LRRC37A3: variants seen among roughly 807,000 people sequenced by gnomAD.
LRRC37A3 encodes the protein leucine-rich repeat-containing protein 37A3.
LRRC37A3 carries 25 observed loss-of-function variants against 106.2 expected under a neutral mutation model. The observed-to-expected ratio is 0.24, with a 90% confidence interval of 0.17 to 0.33. LRRC37A3 has a LOEUF of 0.33. Among genes scored for constraint, LRRC37A3 ranks in the 10% least tolerant of loss-of-function variants. The pLI, the probability that LRRC37A3 is intolerant of heterozygous loss-of-function variation, is 1.00. For synonymous variants in LRRC37A3, 305 were observed against 635.8 expected (o/e 0.48, Z 7.83); for missense variants, 712 against 1,644.9 (o/e 0.43, Z 9.81).
Position 64,913,495 on chromosome 17 carries a change from CA to C in LRRC37A3, c.-496+5254del, listed in dbSNP as rs1333031133. On this transcript the variant is annotated intron_variant, in intron 2 of 14. Transcript: ENST00000584306. ...AGCTGGGACTACAGACGTGTGCCAC[CA>C]CACTAGGCTATTTTTCTCTTTTTAG... is the stretch of plus-strand genomic sequence containing the variant. Among the ~76,000 whole-genome samples, 7 of 151,998 alleles carry C rather than the reference CA, an allele frequency of 4.6e-5. No homozygotes were observed. In the East Asian group the frequency reaches 1.4e-3, roughly 29 times the overall value.
intron 10 of LRRC37A3, among the ~76,000 whole-genome samples, chr17:64,867,066 T>A (rs1030173018): frequency 5.9e-5 from 9 of 152,134 alleles, no homozygotes; most frequent in African/African-American, 2.2e-4. Context: ...ATCTTTTAGA[T>A]GCTGGATTAG....
At chr17:64,874,202 A>G (rs1221479870) in intron 8 of LRRC37A3, among the ~76,000 whole-genome samples, 3 of 152,268 alleles carry the variant, frequency 2.0e-5, no homozygotes, top group Non-Finnish European at 4.4e-5. Flanking sequence ...GTTGGATACC[A>G]GCACTGGCAA....
At chr17:64,876,851 G>T (rs964975478) in intron 8 of LRRC37A3, 8 of 151,834 alleles carry the variant, frequency 5.3e-5, no homozygotes. Flanking sequence ...TACAGATGAG[G>T]AAAGAACATT....
intron 10 of LRRC37A3, among the ~76,000 whole-genome samples, chr17:64,868,183 G>A (rs1220992493): frequency 6.6e-6 from 1 of 152,200 alleles, no homozygotes; most frequent in Non-Finnish European, 1.5e-5. Context: ...TATAGGAACA[G>A]AAATCAGATT....
intron 10 of LRRC37A3, among the ~76,000 whole-genome samples, chr17:64,866,604 ATATATATATATATATATATATATATTT>A (rs1973090736): frequency 1.1e-4 from 2 of 17,454 alleles, no homozygotes; most frequent in Non-Finnish European, 1.9e-4. Context: ...ATATATATAT[ATATATATATATATATATATATATATTT>A]TTTTTTTTTT....
Position 64,860,365 on chromosome 17 carries a change from G to T in LRRC37A3, c.3781C>A (p.Pro1261Thr). 1 of 1,613,920 alleles carries T rather than the reference G, an allele frequency of 6.2e-7. No homozygotes were observed. The highest frequency in any genetic ancestry group is 8.5e-7 in the Non-Finnish European group (1 of 1,179,868). The change falls in exon 12 of 15, where the codon CCT (proline) becomes ACT (threonine). Residue 1261 changes from proline to threonine, a missense_variant. Transcript: ENST00000584306. ...FSKGAPSTSS[P>T]AKALPQVRDR... ...CTCACCTGTGGTAGGGCTTTTGCAG[G>T]GCTGGAGGTAGAAGGCGCGCCCTTG... is the stretch of plus-strand genomic sequence containing the variant.
At chr17:64,866,612 ATATATATATATATATATTTTTT>A (rs1973098640) in intron 10 of LRRC37A3, among the ~76,000 whole-genome samples, 4 of 21,360 alleles carry the variant, frequency 1.9e-4, no homozygotes, top group African/African-American at 1.1e-3. Flanking sequence ...ATATATATAT[ATATATATATATATATATTTTTT>A]TTTTTTTTTT....
intron 2 of LRRC37A3, among the ~76,000 whole-genome samples, chr17:64,914,340 C>T (rs1168111901): frequency 2.0e-5 from 3 of 152,210 alleles, no homozygotes; most frequent in Non-Finnish European, 4.4e-5. Flanking sequence ...AGATGAATCA[C>T]CCGAGGTCAG....
chr17:64,864,370 A>G (rs1421379057), intron 10 of LRRC37A3, among the ~76,000 whole-genome samples: 2 of 152,218 alleles, frequency 1.3e-5, no homozygotes, highest in Non-Finnish European at 2.9e-5. Context: ...AAGAAAGTAG[A>G]GGCATGTTTT....
At chr17:64,855,457 C>T (rs1253698335) in intron 14 of LRRC37A3, among the ~76,000 whole-genome samples, 4 of 150,174 alleles carry the variant, frequency 2.7e-5, no homozygotes, top group African/African-American at 1.0e-4. Flanking sequence ...TCCCCACCTC[C>T]CGAAAGGGCT....
In LRRC37A3 at chr17:64,854,551, T is replaced by C; in HGVS notation, c.*48A>G. ...TCCTGCTTTTTTGATGGCCGTTGTT[T>C]ACGCTATGTATTTTTGCAGGAGGCC... On this transcript the variant is annotated 3_prime_UTR_variant, in exon 15 of 15. Coordinates refer to ENST00000584306, the MANE Select transcript of LRRC37A3 (RefSeq NM_199340.5). 3 of 1,613,726 alleles carry C rather than the reference T, an allele frequency of 1.9e-6. No homozygotes were observed. In the South Asian group the frequency reaches 3.3e-5, roughly 18 times the overall value.
intron 13 of LRRC37A3, 86 bp downstream of exon 13, chr17:64,858,693 G>A: frequency 2.0e-6 from 2 of 1,015,380 alleles, no homozygotes; most frequent in Non-Finnish European, 3.1e-6. Context: ...AGGTGGGAAA[G>A]TGGCTTTGGT....
Position 64,872,563 on chromosome 17 carries a change from C to T in LRRC37A3, c.2907-3397G>A, listed in dbSNP as rs1598405760. The stretch of plus-strand genomic sequence containing the variant: ...AAAGCTGTCTAGTGCTAAAGCCTCT[C>T]CACAGAGGGTGTTTTTGGAAAACAA... On this transcript the variant is annotated intron_variant, in intron 8 of 14. Transcript: ENST00000584306. 3.9e-5 allele frequency among the ~76,000 whole-genome samples: 6 copies of T among 152,294 alleles called. No individual in the cohort carries two copies. In the South Asian group the frequency reaches 8.3e-4, roughly 21 times the overall value.
chr17:64,854,695 A>G (rs375016111), intron 14 of LRRC37A3, 51 bp from the exon 15 acceptor site: 2 of 1,612,202 alleles, frequency 1.2e-6, no homozygotes, highest in Non-Finnish European at 8.5e-7. Flanking sequence ...AGGAGCAATT[A>G]AGCTTCTCAC....
chr17:64,859,546 C>G lies in LRRC37A3; in HGVS notation c.4600G>C (p.Val1534Leu), dbSNP rs1370277642. Residue 1534 changes from valine to leucine, a missense_variant, in exon 12 of 15, where the codon GTA becomes CTA. Val to Leu is a conservative substitution (Grantham distance 32, BLOSUM62 1). Coordinates refer to ENST00000584306, the MANE Select transcript of LRRC37A3 (RefSeq NM_199340.5). ...LMKLLSGQQE[V>L]KASKIEWDTD... ...TCCCATTCTATCTTGGATGCCTTTA[C>G]TTCCTGCTGCCCACTGAGAAGCTTC... The G allele has an allele frequency of 6.2e-7, 1 of 1,611,872 alleles. No homozygotes were observed. The highest frequency in any genetic ancestry group is 1.4e-5 in the African/African-American group (1 of 74,052).
chr17:64,877,358 C>T (rs1479336981), intron 8 of LRRC37A3, among the ~76,000 whole-genome samples: 11 of 152,108 alleles, frequency 7.2e-5, no homozygotes, highest in East Asian at 1.9e-4. Context: ...CCTGCCACCA[C>T]GCCCTGCTAA....
intron 2 of LRRC37A3, among the ~76,000 whole-genome samples, chr17:64,917,714 C>A (rs979218639): frequency 1.1e-4 from 16 of 152,172 alleles, no homozygotes; most frequent in African/African-American, 3.4e-4. Context: ...CACCTGTAAT[C>A]CCGGCACTAT....
chr17:64,867,410 A>T lies in LRRC37A3; in HGVS notation c.3053+1052T>A, dbSNP rs1245455159. Among the ~76,000 whole-genome samples the T allele has an allele frequency of 4.0e-5, 6 of 151,800 alleles. No individual in the cohort carries two copies. The East Asian group carries it at 1.2e-3, about 29-fold the overall frequency. The stretch of plus-strand genomic sequence containing the variant: ...GGCATTTCCACACAACCGGAATACT[A>T]CTCAGCAATAAAAAGGAGTGAACAG... On this transcript the variant is annotated intron_variant, in intron 10 of 14. Coordinates refer to ENST00000584306, the MANE Select transcript of LRRC37A3 (RefSeq NM_199340.5).
At chr17:64,916,434 G>T (rs1299168071) in intron 2 of LRRC37A3, among the ~76,000 whole-genome samples, 41 of 152,042 alleles carry the variant, frequency 2.7e-4, no homozygotes, top group Middle Eastern at 3.4e-3. Context: ...TAAAATAAAA[G>T]AAGAATAACA....
Sources: gnomAD v4.1 joint callset for allele counts (sites outside exome capture counted in the v4.1 genomes callset) on GRCh38, gnomAD v4.1.1 for gene constraint, MANE v1.5 for transcripts, NCBI Gene and HGNC (gene_info 2026-07-23, HGNC 2026-07-21) for gene names.